The following FAM222B variants were observed in gnomAD, a reference collection of about 807,000 sequenced individuals.
FAM222B encodes protein FAM222B.
In FAM222B, 12 loss-of-function variants were observed where a neutral mutation model predicts 38.0. The ratio of observed to expected loss-of-function variants is 0.32; its 90% confidence interval spans 0.20 to 0.51. The LOEUF (loss-of-function observed/expected upper bound fraction) is 0.51. Among genes scored for constraint, FAM222B ranks in the 20% least tolerant of loss-of-function variants. The pLI, the probability that FAM222B is intolerant of heterozygous loss-of-function variation, is 0.97. For synonymous variants in FAM222B, 329 were observed against 317.2 expected, an observed-to-expected ratio of 1.04 and a Z score of -0.40; for missense variants, 716 against 754.2, an observed-to-expected ratio of 0.95 and a Z score of 0.59.
chr17:28,768,161 T>C (rs2035430357), intron 1 of FAM222B, among the ~76,000 whole-genome samples: 1 of 152,202 alleles, frequency 6.6e-6, no homozygotes, highest in East Asian at 1.9e-4. Flanking sequence ...ACGAACTTCT[T>C]TTCCCATATT....
intron 2 of FAM222B, among the ~76,000 whole-genome samples, chr17:28,762,981 A>C (rs1342596425): frequency 1.3e-5 from 2 of 151,840 alleles, no homozygotes; most frequent in African/African-American, 4.8e-5. Flanking sequence ...CACAGCCCCC[A>C]CACAGGCACC....
upstream of FAM222B, among the ~76,000 whole-genome samples, chr17:28,846,793 A>G (rs1314306330): frequency 6.6e-6 from 1 of 152,098 alleles, no homozygotes; most frequent in African/African-American, 2.4e-5. Context: ...AAGAACAAAA[A>G]TATCTGGGGA....
intron 1 of FAM222B, among the ~76,000 whole-genome samples, chr17:28,790,113 C>T (rs763512876): frequency 2.0e-5 from 3 of 151,980 alleles, no homozygotes; most frequent in African/African-American, 7.2e-5. Flanking sequence ...CTGGCCAAAT[C>T]GGGAATAATC....
intron 1 of FAM222B, among the ~76,000 whole-genome samples, chr17:28,850,771 G>A (rs770908170): frequency 1.3e-5 from 2 of 152,038 alleles, no homozygotes; most frequent in African/African-American, 4.8e-5. Context: ...GAAACTTCTC[G>A]TGTGCAGTGT....
At chr17:28,769,345 A>AT (rs999685428) in intron 1 of FAM222B, among the ~76,000 whole-genome samples, 11 of 150,488 alleles carry the variant, frequency 7.3e-5, no homozygotes, top group African/African-American at 1.2e-4. Context: ...TGCCCGGATA[A>AT]TTTTTTTTTG....
intron 1 of FAM222B, among the ~76,000 whole-genome samples, chr17:28,842,270 C>T (rs893151165): frequency 6.6e-6 from 1 of 152,128 alleles, no homozygotes; most frequent in Non-Finnish European, 1.5e-5. Context: ...CGACTCCCAT[C>T]CTCTACCCAG....
intron 1 of FAM222B, among the ~76,000 whole-genome samples, chr17:28,813,358 G>A (rs1294888901): frequency 6.6e-6 from 1 of 152,052 alleles, no homozygotes; most frequent in Non-Finnish European, 1.5e-5. Flanking sequence ...CCAGACTGGA[G>A]GAGACTAAGA....
At chr17:28,818,906 G>C (rs2068121911) in intron 1 of FAM222B, among the ~76,000 whole-genome samples, 1 of 152,210 alleles carries the variant, frequency 6.6e-6, no homozygotes, top group South Asian at 2.1e-4. Flanking sequence ...TAAATGCACA[G>C]CCAATTCCCT....
At chr17:28,774,648 T>A (rs2035799205) in intron 1 of FAM222B, among the ~76,000 whole-genome samples, 2 of 152,262 alleles carry the variant, frequency 1.3e-5, no homozygotes, top group South Asian at 2.1e-4. Flanking sequence ...GATGTCACAC[T>A]CTCTGCTTTC....
intron 1 of FAM222B, among the ~76,000 whole-genome samples, chr17:28,801,912 C>T (rs1014461446): frequency 3.3e-5 from 5 of 151,320 alleles, no homozygotes; most frequent in Non-Finnish European, 4.4e-5. Context: ...TGAAGCAACA[C>T]GAATGTTGTC....
In FAM222B at chr17:28,766,629, A is replaced by T; in HGVS notation, c.39T>A (p.Phe13Leu). 6.2e-7 allele frequency: 1 copy of T among 1,606,996 alleles called. No homozygotes were observed. The highest frequency in any genetic ancestry group is 8.5e-7 in the Non-Finnish European group (1 of 1,176,658). The change falls in exon 2 of 3, where the codon TTT (phenylalanine) becomes TTA (leucine). Residue 13 changes from phenylalanine to leucine, a missense_variant. Physicochemically the swap from Phe to Leu is conservative, Grantham distance 22. Coordinates refer to ENST00000581407, the MANE Select transcript of FAM222B (RefSeq NM_001077498.3). ...ACLPGPGDLS[F>L]QLLSHTQMNT... ...TCATCTGCGTGTGAGAAAGAAGCTG[A>T]AAGGACAGGTCACCTGGCCCTGGTA...
At chr17:28,798,972 G>GTT (rs371016664) in intron 1 of FAM222B, among the ~76,000 whole-genome samples, 24,786 of 148,472 alleles carry the variant, frequency 0.17, 2,183 homozygotes, top group South Asian at 0.27. Flanking sequence ...ATGGAATCCT[G>GTT]TTGTTTTTTT....
chr17:28,775,044 C>A (rs181605469), intron 1 of FAM222B, among the ~76,000 whole-genome samples: 3 of 146,560 alleles, frequency 2.0e-5, no homozygotes, highest in Admixed American at 1.4e-4. Flanking sequence ...TCTGTTGCCC[C>A]GGCTGGAGTG....
At position 28,759,940 on chromosome 17, in the gene FAM222B, C is replaced by T. The variant is rs766545315; in HGVS notation, c.83-64G>A. 4.1e-5 allele frequency: 58 copies of T among 1,418,998 alleles called. No individual in the cohort carries two copies. The highest frequency in any genetic ancestry group is 5.2e-5 in the Non-Finnish European group (56 of 1,069,354). The allele number at this position is 1,418,998 out of a possible 1,614,324, so 87.9% of individuals were successfully genotyped here. ...GGGAGCTCATCAGTGCCAAGGCAAA[C>T]AGCCCTTCCAGATTCCCCTTTTGAG... On this transcript the variant is annotated intron_variant, in intron 2 of 2. Coordinates refer to ENST00000581407, the MANE Select transcript of FAM222B (RefSeq NM_001077498.3). This position sits in a 1 kb window ranked among gnomAD's most constrained non-coding sequence, Gnocchi z 4.8.
intron 1 of FAM222B, among the ~76,000 whole-genome samples, chr17:28,833,238 A>T (rs2038727293): frequency 6.7e-6 from 1 of 148,484 alleles, no homozygotes; most frequent in African/African-American, 2.5e-5. Context: ...GAACCCAGGA[A>T]GTGGAGGTTG....
upstream of FAM222B, among the ~76,000 whole-genome samples, chr17:28,847,213 C>A (rs772015159): frequency 1.3e-5 from 2 of 149,896 alleles, no homozygotes; most frequent in South Asian, 2.1e-4. Flanking sequence ...ACAGAGACTC[C>A]GTCTCAAAAG....
Position 28,757,016 on chromosome 17 carries a change from C to G in FAM222B, c.*1254G>C, listed in dbSNP as rs2034731178. The G allele has an allele frequency of 6.6e-6, 1 of 152,536 alleles. No individual in the cohort carries two copies. The allele number at this position is 152,536 out of a possible 1,614,324, so 9.4% of individuals were successfully genotyped here. On this transcript the variant is annotated 3_prime_UTR_variant, in exon 3 of 3. Coordinates refer to ENST00000581407, the MANE Select transcript of FAM222B (RefSeq NM_001077498.3). ...ACAAAACAGTCTAAGTTTAAAATTA[C>G]AGAAAAGTGTTTCTAGCCAACTAAT...
At chr17:28,800,683 G>C (rs2037174726) in intron 1 of FAM222B, among the ~76,000 whole-genome samples, 1 of 151,998 alleles carries the variant, frequency 6.6e-6, no homozygotes, top group Admixed American at 6.6e-5. Context: ...TCTCTCTGGA[G>C]AAAAGTTCTA....
At position 28,758,252 on chromosome 17, in the gene FAM222B, G is replaced by A. The variant is rs1390098092; in HGVS notation, c.*18C>T. 2 of 1,536,810 alleles carry A rather than the reference G, an allele frequency of 1.3e-6. No individual in the cohort carries two copies. The highest frequency in any genetic ancestry group is 4.1e-5 in the Admixed American group (2 of 48,424). On this transcript the variant is annotated 3_prime_UTR_variant, in exon 3 of 3. Transcript: ENST00000581407. ...GGGTGATGTATGATGTGTTGCACGT[G>A]GAGGGCAGCAGGGCTACCTATCTAT...
Sources: allele counts gnomAD v4.1 joint callset (sites outside exome capture counted in the v4.1 genomes callset), GRCh38; gene constraint gnomAD v4.1.1; non-coding constraint Gnocchi (gnomAD v3.1); transcripts MANE v1.5; gene names NCBI Gene and HGNC (gene_info 2026-07-23, HGNC 2026-07-21).